The following AUTS2 variants were observed in gnomAD, a reference collection of about 807,000 sequenced individuals.
AUTS2 encodes activator of transcription and developmental regulator AUTS2.
In AUTS2, 17 loss-of-function variants were observed where a neutral mutation model predicts 112.4. The observed-to-expected ratio is 0.15, with a 90% CI of 0.10 to 0.23. The LOEUF (loss-of-function observed/expected upper bound fraction) is 0.23. Ranked by LOEUF, AUTS2 falls within the 10% of genes least tolerant of loss-of-function variation. AUTS2 has a pLI of 1.00. For synonymous variants in AUTS2, 751 were observed against 702.7 expected, an observed-to-expected ratio of 1.07 and a Z score of -1.09; for missense variants, 1,510 against 1,701.6, an observed-to-expected ratio of 0.89 and a Z score of 1.98.
chr7:69,762,903 G>T (rs772138060), intron 1 of AUTS2, among the ~76,000 whole-genome samples: 4 of 152,132 alleles, frequency 2.6e-5, no homozygotes, highest in Non-Finnish European at 5.9e-5. Context: ...ATGCTCCTCA[G>T]AAACACTCAT....
Position 69,830,994 on chromosome 7 carries a change from A to G in AUTS2, c.310-68292A>G, listed in dbSNP as rs115430628. Among the ~76,000 whole-genome samples, 442 of 152,302 alleles carry G rather than the reference A, an allele frequency of 2.9e-3. 3 individuals are homozygous for G. Among genetic ancestry groups the G allele is most frequent in the African/African-American group, 0.01 (428 of 41,584 alleles). Reference sequence around the variant, plus strand: ...AGGTAGAGAGCCAGGAGACCTTTATAGTAGTGAAAGGACAGGAAAGGAAGG... The same window carrying G: ...AGGTAGAGAGCCAGGAGACCTTTATGGTAGTGAAAGGACAGGAAAGGAAGG... On this transcript the variant is annotated intron_variant, in intron 1 of 18. Transcript: ENST00000342771.
chr7:70,487,180 G>GC (rs1024186480), intron 5 of AUTS2, among the ~76,000 whole-genome samples: 2 of 152,050 alleles, frequency 1.3e-5, no homozygotes, highest in African/African-American at 2.4e-5. Flanking sequence ...GACACATTTT[G>GC]CCCTCCTTTT....
chr7:70,299,514 C>T lies in AUTS2; in HGVS notation c.661-136238C>T, dbSNP rs949263906. ...AGCTGGTGGGGAAGAGAATGTTGCACCCAAAAATAGGTGCTTGAAAATGAG... is the reference window on the plus strand; with the variant it reads ...AGCTGGTGGGGAAGAGAATGTTGCATCCAAAAATAGGTGCTTGAAAATGAG... On this transcript the variant is annotated intron_variant, in intron 4 of 18. Coordinates refer to ENST00000342771, the MANE Select transcript of AUTS2 (RefSeq NM_015570.4). Among the ~76,000 whole-genome samples, 5 of 152,160 alleles carry T rather than the reference C, an allele frequency of 3.3e-5. 1 individual carries two copies. Among genetic ancestry groups the T allele is most frequent in the South Asian group, 4.1e-4 (2 of 4,820 alleles).
At chr7:70,267,918 T>G (rs1405298016) in intron 4 of AUTS2, among the ~76,000 whole-genome samples, 1 of 152,200 alleles carries the variant, frequency 6.6e-6, no homozygotes, top group South Asian at 2.1e-4. Flanking sequence ...AAACGCTGCT[T>G]AAACCCAGAC....
chr7:70,440,807 G>A (rs1240547760), intron 5 of AUTS2, among the ~76,000 whole-genome samples: 1 of 152,220 alleles, frequency 6.6e-6, no homozygotes. Context: ...TATAGCTCTT[G>A]TCCCTTCAGC....
chr7:70,519,796 T>G (rs2129494649), intron 5 of AUTS2, among the ~76,000 whole-genome samples: 1 of 152,226 alleles, frequency 6.6e-6, no homozygotes, highest in Non-Finnish European at 1.5e-5. Flanking sequence ...TCACTTTACT[T>G]AATATGAGCA....
At chr7:69,664,607 G>A (rs150204081) in intron 1 of AUTS2, among the ~76,000 whole-genome samples, 1 of 152,094 alleles carries the variant, frequency 6.6e-6, no homozygotes, top group African/African-American at 2.4e-5. Flanking sequence ...CATGGCAAGT[G>A]GTAGGTGGAA....
chr7:70,781,606 GC>G lies in AUTS2; in HGVS notation c.2005-8del. The stretch of plus-strand genomic sequence containing the variant: ...CCTTGGGACCCTTACTGTTCCCCTT[GC>G]TGTGTAGAAACAGATGCAGTCAGAC... On this transcript the variant is annotated splice_region_variant and splice_polypyrimidine_tract_variant and intron_variant, in intron 14 of 18. Coordinates refer to ENST00000342771, the MANE Select transcript of AUTS2 (RefSeq NM_015570.4). The G allele has an allele frequency of 6.2e-7, 1 of 1,613,890 alleles. No individual in the cohort carries two copies. Among genetic ancestry groups the G allele is most frequent in the African/African-American group, 1.3e-5 (1 of 75,014 alleles).
chr7:70,089,291 T>G (rs796916940), intron 2 of AUTS2, among the ~76,000 whole-genome samples: 5 of 152,242 alleles, frequency 3.3e-5, no homozygotes, highest in African/African-American at 1.2e-4. Flanking sequence ...GTTCTATCAG[T>G]TTTTGCTTCA....
chr7:70,062,069 T>C (rs1030977254), intron 2 of AUTS2, among the ~76,000 whole-genome samples: 21 of 151,704 alleles, frequency 1.4e-4, no homozygotes, highest in African/African-American at 4.6e-4. Flanking sequence ...ATTACAGGCG[T>C]GAGCCACTGT....
chr7:70,183,176 A>G (rs6950647), intron 4 of AUTS2, among the ~76,000 whole-genome samples: 45,454 of 151,960 alleles, frequency 0.3, 7,091 homozygotes, highest in African/African-American at 0.38. Flanking sequence ...GATGATGTGC[A>G]ATTTATTCAT....
At chr7:69,662,249 C>A (rs1406971897) in intron 1 of AUTS2, among the ~76,000 whole-genome samples, 2 of 151,396 alleles carry the variant, frequency 1.3e-5, no homozygotes, top group Non-Finnish European at 2.9e-5. Context: ...AAGTCAGGGC[C>A]ATTTGATAGT....
Position 69,599,831 on chromosome 7 carries a change from G to A in AUTS2, c.178G>A (p.Gly60Arg). 1 of 1,610,688 alleles carries A rather than the reference G, an allele frequency of 6.2e-7. No homozygotes were observed. Reference protein sequence around the residue: ...SSSGSDKEDNGKPPSSAPSRP... With the variant: ...SSSGSDKEDNRKPPSSAPSRP... ...GTCGGGCTCCGACAAGGAAGACAAT[G>A]GGAAGCCCCCGTCCTCCGCCCCGTC... Residue 60 changes from glycine (G) to arginine (R), a missense_variant, in exon 1 of 19, where the codon GGG (glycine) becomes AGG (arginine). Gly to Arg is a moderately radical substitution (Grantham distance 125). Transcript: ENST00000342771. This position sits in a 1 kb window ranked among gnomAD's most constrained non-coding sequence, Gnocchi z 7.0.
intron 5 of AUTS2, among the ~76,000 whole-genome samples, chr7:70,657,347 A>G (rs56901585): frequency 0.032 from 4,818 of 152,346 alleles, 134 homozygotes; most frequent in East Asian, 0.095. Flanking sequence ...ACTTCTTAGC[A>G]GAGTGAGCTG....
At position 70,058,636 on chromosome 7, in the gene AUTS2, T is replaced by TTA. The variant is rs1260961146; in HGVS notation, c.523-59496_523-59495insTA. Among the ~76,000 whole-genome samples, 5 of 151,774 alleles carry TTA rather than the reference T, an allele frequency of 3.3e-5. No homozygotes were observed. The South Asian group carries it at 6.3e-4, about 19-fold the overall frequency. On this transcript the variant is annotated intron_variant, in intron 2 of 18. Transcript: ENST00000342771. Reference sequence around the variant, plus strand: ...GCTACATGTAGGTTTTTTTTTTTTTTAACTAACTAGAATCACAGCATCTTT... The same window carrying TTA: ...GCTACATGTAGGTTTTTTTTTTTTTTTAAACTAACTAGAATCACAGCATCTTT...
intron 1 of AUTS2, among the ~76,000 whole-genome samples, chr7:69,881,337 A>G (rs916192198): frequency 6.7e-6 from 1 of 149,600 alleles, no homozygotes; most frequent in Non-Finnish European, 1.5e-5. Flanking sequence ...TTGATGTTAC[A>G]TTGAGGTGTT....
intron 5 of AUTS2, among the ~76,000 whole-genome samples, chr7:70,554,326 C>G (rs933342393): frequency 6.6e-6 from 1 of 151,826 alleles, no homozygotes; most frequent in African/African-American, 2.4e-5. Context: ...ACCTCAGCCT[C>G]CCAAAGTGCT....
intron 10 of AUTS2, among the ~76,000 whole-genome samples, chr7:70,768,577 A>G (rs1190677617): frequency 6.6e-6 from 1 of 152,198 alleles, no homozygotes; most frequent in Non-Finnish European, 1.5e-5. Flanking sequence ...AGTTTGTTAC[A>G]ATAGAAAGTA....
At chr7:70,113,873 C>T (rs888451398) in intron 2 of AUTS2, among the ~76,000 whole-genome samples, 1 of 152,178 alleles carries the variant, frequency 6.6e-6, no homozygotes, top group Non-Finnish European at 1.5e-5. Context: ...TACCTTCATG[C>T]AGTCTAGGGT....
Sources: gnomAD v4.1 joint callset for allele counts (sites outside exome capture counted in the v4.1 genomes callset) on GRCh38, gnomAD v4.1.1 for gene constraint, Gnocchi (gnomAD v3.1) non-coding constraint, MANE v1.5 for transcripts, NCBI Gene and HGNC (gene_info 2026-07-23, HGNC 2026-07-21) for gene names.